Variants in SNAP91 observed in about 807,000 individuals in gnomAD.
The protein encoded by SNAP91 is synaptosome associated protein 91.
SNAP91 carries 27 observed loss-of-function variants against 100.3 expected under a neutral mutation model. That is an observed-to-expected ratio of 0.27 (90% CI 0.20 to 0.37). The LOEUF is 0.37. Among genes scored for constraint, SNAP91 ranks in the 10% least tolerant of loss-of-function variants. The probability of loss-of-function intolerance (pLI) is 1.00; values close to 1 mark genes in which losing one functional copy is unlikely to be tolerated. For missense variants in SNAP91, 986 were observed against 1,123.7 expected (o/e 0.88, Z 1.75); for synonymous variants, 404 against 398.6 (o/e 1.01, Z -0.16).
intron 29 of SNAP91, among the ~76,000 whole-genome samples, chr6:83,554,886 T>C (rs1190000725): frequency 6.6e-6 from 1 of 152,152 alleles, no homozygotes; most frequent in African/African-American, 2.4e-5. Context: ...CTTCATAAAA[T>C]AGTAATTCTC....
chr6:83,615,022 A>C (rs2096395871), intron 10 of SNAP91, among the ~76,000 whole-genome samples, 160 bp from the exon 11 acceptor site: 2 of 152,210 alleles, frequency 1.3e-5, no homozygotes, highest in African/African-American at 4.8e-5. Context: ...TTTTAAAGGA[A>C]AAAGAAAAAT....
At chr6:83,707,123 A>G (rs941307638) in intron 2 of SNAP91, among the ~76,000 whole-genome samples, 1 of 152,222 alleles carries the variant, frequency 6.6e-6, no homozygotes, top group Non-Finnish European at 1.5e-5. Flanking sequence ...TGACCATAGC[A>G]TAGTCATCTC....
At chr6:83,641,314 T>A in intron 7 of SNAP91, 112 bp from the exon 8 acceptor site, 1 of 528,052 alleles carries the variant, frequency 1.9e-6, no homozygotes, top group Non-Finnish European at 3.3e-6. Context: ...ATCAAAACAC[T>A]TGGCAGTAAA....
In SNAP91 at chr6:83,629,522, T is replaced by C. The variant is rs150063785; in HGVS notation, c.766-6180A>G. ...GATGTGTTTTCATTTGTGTTGTCTA[T>C]GATTTCTTTCAGCGGTGTTTTGTAG... On this transcript the variant is annotated intron_variant, in intron 8 of 29. Transcript: ENST00000369694. 8.5e-5 allele frequency among the ~76,000 whole-genome samples: 13 copies of C among 152,186 alleles called. No homozygotes were observed. In the East Asian group the frequency reaches 2.1e-3, roughly 25 times the overall value.
intron 29 of SNAP91, 21 bp from the exon 30 acceptor site, chr6:83,554,306 A>G: frequency 3.2e-6 from 1 of 311,298 alleles, no homozygotes; most frequent in Non-Finnish European, 6.2e-6. Context: ...AACAAAAACT[A>G]GAATTAGAAA....
chr6:83,670,501 AAC>A, intron 2 of SNAP91, among the ~76,000 whole-genome samples: 1 of 151,722 alleles, frequency 6.6e-6, no homozygotes, highest in South Asian at 2.1e-4. Flanking sequence ...TCATTTTCTT[AAC>A]AGTGTCTTTG....
At chr6:83,617,921 A>G (rs1254131484) in intron 9 of SNAP91, among the ~76,000 whole-genome samples, 1 of 151,936 alleles carries the variant, frequency 6.6e-6, no homozygotes, top group Non-Finnish European at 1.5e-5. Context: ...AATGAAATAT[A>G]TAACTACCCT....
At chr6:83,666,013 G>A (rs1219632294) in intron 2 of SNAP91, among the ~76,000 whole-genome samples, 1 of 152,040 alleles carries the variant, frequency 6.6e-6, no homozygotes, top group Non-Finnish European at 1.5e-5. Flanking sequence ...ACAGCTAAAA[G>A]CATATCTCAT....
At chr6:83,682,767 T>G (rs1459108021) in intron 2 of SNAP91, among the ~76,000 whole-genome samples, 12 of 134,542 alleles carry the variant, frequency 8.9e-5, no homozygotes, top group African/African-American at 3.5e-4. Flanking sequence ...CAGAGTGTGA[T>G]GTTCCCCTTC....
At chr6:83,573,213 A>C (rs1297920034) in intron 26 of SNAP91, among the ~76,000 whole-genome samples, 2 of 152,320 alleles carry the variant, frequency 1.3e-5, no homozygotes, top group East Asian at 3.9e-4. Flanking sequence ...TGCTTCAAAG[A>C]GAATAAAATA....
Position 83,698,337 on chromosome 6 carries a change from A to G in SNAP91, c.130+9461T>C, listed in dbSNP as rs190612928. Among the ~76,000 whole-genome samples the G allele has an allele frequency of 8.4e-3, 1,275 of 151,780 alleles. 16 individuals carry two copies. Among genetic ancestry groups the G allele is most frequent in the African/African-American group, 0.029 (1,188 of 41,434 alleles). On this transcript the variant is annotated intron_variant, in intron 2 of 29. Transcript: ENST00000369694. ...GCAATCTCCAAGGCCAAAAAAAAAA[A>G]AAAAAGAAAGAAATTGCAGAAAACC...
intron 2 of SNAP91, among the ~76,000 whole-genome samples, chr6:83,689,807 A>G (rs1392757038): frequency 2.6e-5 from 4 of 152,048 alleles, no homozygotes; most frequent in African/African-American, 9.6e-5. Flanking sequence ...TTGTTTCCAA[A>G]CATTTTATTT....
At chr6:83,682,625 C>T (rs1389846940) in intron 2 of SNAP91, among the ~76,000 whole-genome samples, 1 of 151,748 alleles carries the variant, frequency 6.6e-6, no homozygotes, top group African/African-American at 2.4e-5. Flanking sequence ...GGTACATGTG[C>T]ACAACGTGCA....
chr6:83,611,534 G>A lies in SNAP91; in HGVS notation c.885-857C>T, dbSNP rs9449667. The A allele has an allele frequency of 8.7e-3, 3,751 of 429,218 alleles. 121 individuals carry two copies. The highest frequency in any genetic ancestry group is 0.071 in the African/African-American group (3,483 of 48,716). 26.6% of individuals were successfully genotyped at this position (429,218 alleles called of 1,614,324 possible). ...GCCTATATTCACCGCCTTACTGCAT[G>A]GCAGGGATGACTTTTTACTCATCTA... On this transcript the variant is annotated intron_variant, in intron 11 of 29. Coordinates refer to ENST00000369694, the MANE Select transcript of SNAP91 (RefSeq NM_001242792.2).
chr6:83,601,176 A>G, intron 16 of SNAP91, 95 bp downstream of exon 16: 3 of 1,037,024 alleles, frequency 2.9e-6, no homozygotes, highest in Middle Eastern at 2.1e-4. Context: ...ACACTCTGAC[A>G]TGCTGTTACA....
intron 23 of SNAP91, among the ~76,000 whole-genome samples, chr6:83,580,957 A>G (rs536133842): frequency 2.0e-5 from 3 of 152,346 alleles, no homozygotes; most frequent in African/African-American, 7.2e-5. Flanking sequence ...GAGTATGACC[A>G]ATACATGGCT....
intron 7 of SNAP91, among the ~76,000 whole-genome samples, chr6:83,643,813 A>AACATACTTTGCTT (rs1459694064): frequency 1.3e-5 from 2 of 152,178 alleles, no homozygotes; most frequent in African/African-American, 2.4e-5. Context: ...AAGGGAAGCA[A>AACATACTTTGCTT]AAAGATCAAG....
intron 7 of SNAP91, among the ~76,000 whole-genome samples, chr6:83,641,428 T>C (rs2097697375): frequency 6.6e-6 from 1 of 152,138 alleles, no homozygotes; most frequent in Admixed American, 6.5e-5. Context: ...ACAATTTAAA[T>C]AATGAAAACA....
chr6:83,649,936 T>C (rs2098125763), intron 7 of SNAP91, among the ~76,000 whole-genome samples: 1 of 152,164 alleles, frequency 6.6e-6, no homozygotes, highest in African/African-American at 2.4e-5. Context: ...TGTAGGTATA[T>C]TTTGAACAAC....
Sources: allele counts gnomAD v4.1 joint callset (sites outside exome capture counted in the v4.1 genomes callset), GRCh38; gene constraint gnomAD v4.1.1; transcripts MANE v1.5; gene names NCBI Gene and HGNC (gene_info 2026-07-23, HGNC 2026-07-21).